Variants in SORCS2 observed in about 807,000 individuals in gnomAD.
The protein encoded by SORCS2 is sortilin related VPS10 domain containing receptor 2.
SORCS2 carries 100 observed loss-of-function variants against 141.6 expected under a neutral mutation model. The ratio of observed to expected loss-of-function variants is 0.71; its 90% CI spans 0.60 to 0.83. The LOEUF is 0.83. Among genes scored for constraint, SORCS2 ranks in the 40% least tolerant of loss-of-function variants. The probability of loss-of-function intolerance (pLI) is 0.00; values close to 1 mark genes in which losing one functional copy is unlikely to be tolerated. For synonymous variants in SORCS2, 789 were observed against 676.9 expected, an observed-to-expected ratio of 1.17 and a Z score of -2.57; for missense variants, 1,646 against 1,560.2, an observed-to-expected ratio of 1.05 and a Z score of -0.93.
chr4:7,426,731 T>A (rs1726468893), intron 2 of SORCS2, among the ~76,000 whole-genome samples: 1 of 152,110 alleles, frequency 6.6e-6, no homozygotes, highest in Non-Finnish European at 1.5e-5. Flanking sequence ...TTTGTGTACT[T>A]ATGGGATGCC....
At chr4:7,326,232 C>T (rs1719251167) in intron 1 of SORCS2, among the ~76,000 whole-genome samples, 2 of 152,006 alleles carry the variant, frequency 1.3e-5, no homozygotes, top group South Asian at 4.2e-4. Flanking sequence ...AGGGTTCTGT[C>T]CTGCTGGCAG....
chr4:7,485,124 T>C (rs1730895464), intron 2 of SORCS2, among the ~76,000 whole-genome samples: 1 of 152,104 alleles, frequency 6.6e-6, no homozygotes, highest in South Asian at 2.1e-4. Flanking sequence ...AGGGTCTCAC[T>C]CCACACGGCA....
intron 1 of SORCS2, among the ~76,000 whole-genome samples, chr4:7,222,459 C>A (rs1560121446): frequency 6.6e-6 from 1 of 152,122 alleles, no homozygotes. Flanking sequence ...GAAAGCAGGT[C>A]AGTGTTGCTT....
At chr4:7,603,939 TAATA>T (rs1325351278) in intron 3 of SORCS2, among the ~76,000 whole-genome samples, 1 of 152,200 alleles carries the variant, frequency 6.6e-6, no homozygotes, top group African/African-American at 2.4e-5. Flanking sequence ...TTTTTAGTTT[TAATA>T]AATAAAAACT....
At chr4:7,584,036 A>T (rs1238605423) in intron 3 of SORCS2, among the ~76,000 whole-genome samples, 1 of 152,236 alleles carries the variant, frequency 6.6e-6, no homozygotes, top group African/African-American at 2.4e-5. Flanking sequence ...TTGAAGACTG[A>T]GATGATGCAT....
intron 1 of SORCS2, among the ~76,000 whole-genome samples, chr4:7,280,590 G>A (rs1018958245): frequency 9.9e-5 from 15 of 152,206 alleles, no homozygotes; most frequent in South Asian, 4.1e-4. Flanking sequence ...TTTGGATGGC[G>A]TGGTAAGAAT....
intron 1 of SORCS2, among the ~76,000 whole-genome samples, chr4:7,211,927 G>T (rs1560114261): frequency 6.6e-6 from 1 of 152,190 alleles, no homozygotes; most frequent in South Asian, 2.1e-4. Context: ...TGTAGTAGTG[G>T]AAGGAGATCG....
intron 1 of SORCS2, among the ~76,000 whole-genome samples, chr4:7,388,013 TAC>T (rs1474306821): frequency 4.6e-5 from 4 of 86,462 alleles, no homozygotes; most frequent in Middle Eastern, 6.6e-3. Flanking sequence ...TGCACATGCA[TAC>T]AGATACACAG....
intron 3 of SORCS2, among the ~76,000 whole-genome samples, chr4:7,585,901 C>G (rs183379942): frequency 1.3e-5 from 2 of 152,356 alleles, no homozygotes; most frequent in East Asian, 3.9e-4. Context: ...GAAGGGGTTG[C>G]TCTATTTGCT....
chr4:7,211,220 CGGGAGGGA>C (rs5855950), intron 1 of SORCS2, among the ~76,000 whole-genome samples: 12 of 137,128 alleles, frequency 8.8e-5, no homozygotes, highest in Admixed American at 2.2e-4. Context: ...AGCAGGAGAG[CGGGAGGGA>C]GGGAGGGAGG....
chr4:7,483,191 C>T (rs898280564), intron 2 of SORCS2, among the ~76,000 whole-genome samples: 3 of 151,904 alleles, frequency 2.0e-5, no homozygotes, highest in Non-Finnish European at 4.4e-5. Context: ...GGCTTGGTGG[C>T]GGGCACCTGT....
chr4:7,556,796 C>A, intron 3 of SORCS2, among the ~76,000 whole-genome samples: 1 of 149,690 alleles, frequency 6.7e-6, no homozygotes. Context: ...ACACATCCAT[C>A]CACTTACCTG....
chr4:7,656,807 G>T (rs147894085), intron 5 of SORCS2, among the ~76,000 whole-genome samples: 175 of 152,268 alleles, frequency 1.1e-3, no homozygotes, highest in African/African-American at 3.9e-3. Context: ...AGAGGTGGAG[G>T]TCTCCCCACT....
intron 9 of SORCS2, among the ~76,000 whole-genome samples, chr4:7,677,944 T>G (rs1723272247): frequency 6.6e-6 from 1 of 151,972 alleles, no homozygotes; most frequent in Admixed American, 6.6e-5. Context: ...AGGCAGTGGG[T>G]GGGTGGTGAT....
chr4:7,718,231 G>A (rs746501692), intron 18 of SORCS2, 48 bp downstream of exon 18: 24 of 1,577,446 alleles, frequency 1.5e-5, no homozygotes, highest in African/African-American at 4.1e-5. Context: ...GGGCAGGGGC[G>A]GCTCCAACTG....
At chr4:7,194,969 G>T (rs1420528686) in intron 1 of SORCS2, among the ~76,000 whole-genome samples, 1 of 152,034 alleles carries the variant, frequency 6.6e-6, no homozygotes, top group African/African-American at 2.4e-5. Context: ...CTGACATCCA[G>T]CCTGCCCCTG....
intron 2 of SORCS2, among the ~76,000 whole-genome samples, chr4:7,397,386 CA>C (rs1284011463): frequency 6.6e-6 from 1 of 152,008 alleles, no homozygotes; most frequent in African/African-American, 2.4e-5. Flanking sequence ...AGGCCAAGCT[CA>C]GGGTTTAAGA....
At chr4:7,345,155 A>G (rs111842072) in intron 1 of SORCS2, among the ~76,000 whole-genome samples, 83 of 152,270 alleles carry the variant, frequency 5.5e-4, no homozygotes, top group African/African-American at 2.0e-3. Flanking sequence ...TTTCAAAGCA[A>G]AACTTTGGAG....
At chr4:7,718,258 G>C in intron 18 of SORCS2, 75 bp downstream of exon 18, 1 of 1,519,574 alleles carries the variant, frequency 6.6e-7, no homozygotes, top group Non-Finnish European at 8.8e-7. Context: ...CAGAAGGCAC[G>C]GTGAGGGTGT....
Sources: gnomAD v4.1 joint callset for allele counts (sites outside exome capture counted in the v4.1 genomes callset) on GRCh38, gnomAD v4.1.1 for gene constraint, MANE v1.5 for transcripts, NCBI Gene and HGNC (gene_info 2026-07-23, HGNC 2026-07-21) for gene names.